The following TOMM40 variants were observed in gnomAD, a reference collection of about 807,000 sequenced individuals.
The protein encoded by TOMM40 is translocase of outer mitochondrial membrane 40, also known as mitochondrial import receptor subunit TOM40 homolog.
TOMM40 carries 9 observed loss-of-function variants against 38.4 expected under a neutral mutation model. That is an observed-to-expected ratio of 0.23 (90% CI 0.14 to 0.41). The LOEUF (loss-of-function observed/expected upper bound fraction) is 0.41, where lower values mean the gene tolerates loss of function less well. Ranked by LOEUF, TOMM40 falls within the 10% of genes least tolerant of loss-of-function variation. The pLI is 1.00. For synonymous variants in TOMM40, 184 were observed against 210.0 expected (o/e 0.88, Z 1.07); for missense variants, 299 against 486.5 (o/e 0.61, Z 3.63).
Position 44,903,262 on chromosome 19 carries a change from T to A in TOMM40, c.*93T>A. On this transcript the variant is annotated 3_prime_UTR_variant, in exon 9 of 9. Coordinates refer to ENST00000426677, the MANE Select transcript of TOMM40 (RefSeq NM_001128917.2). ...AGGGGAGACCTGAGCCCCCCTCCCT[T>A]CCCTCCCCCCTTGGGGGTCGGGGGG... 7.8e-7 allele frequency: 1 copy of A among 1,285,736 alleles called. No individual in the cohort carries two copies. The highest frequency in any genetic ancestry group is 1.5e-5 in the South Asian group (1 of 65,656). 79.6% of individuals were successfully genotyped at this position (1,285,736 alleles called of 1,614,324 possible).
chr19:44,899,254 C>T (rs1395281327), intron 5 of TOMM40, among the ~76,000 whole-genome samples: 5 of 152,056 alleles, frequency 3.3e-5, no homozygotes, highest in Non-Finnish European at 5.9e-5. Flanking sequence ...TCAAGTGATC[C>T]TCCTGCCTCA....
chr19:44,894,595 T>C (rs1428504081), intron 5 of TOMM40, among the ~76,000 whole-genome samples: 3 of 152,110 alleles, frequency 2.0e-5, no homozygotes, highest in African/African-American at 7.2e-5. Flanking sequence ...TTTTCTTTTG[T>C]ATTAAAAAAT....
intron 2 of TOMM40, 25 bp from the exon 3 acceptor site, chr19:44,892,812 G>A (rs748026597): frequency 1.3e-5 from 20 of 1,586,558 alleles, no homozygotes; most frequent in Admixed American, 1.7e-5. Flanking sequence ...GTCCAGTATC[G>A]TCACAGCTCT....
intron 5 of TOMM40, among the ~76,000 whole-genome samples, chr19:44,897,871 C>T (rs897429515): frequency 7.2e-5 from 11 of 151,868 alleles, no homozygotes; most frequent in African/African-American, 2.7e-4. Flanking sequence ...AACCCTCCTG[C>T]CTCAGCCTCC....
intron 5 of TOMM40, among the ~76,000 whole-genome samples, chr19:44,895,180 TGGACCCCTGG>T (rs1969542390): frequency 6.6e-6 from 1 of 152,038 alleles, no homozygotes; most frequent in African/African-American, 2.4e-5. Context: ...GGGTTGGCCT[TGGACCCCTGG>T]GAGTGCCTAG....
chr19:44,893,333 AATCTCTGGGGC>A (rs1271638463), intron 3 of TOMM40, among the ~76,000 whole-genome samples: 2 of 152,142 alleles, frequency 1.3e-5, no homozygotes, highest in African/African-American at 2.4e-5. Flanking sequence ...CCGCTGTAGA[AATCTCTGGGGC>A]ATCTCTGGGG....
In TOMM40 at chr19:44,892,394, G is replaced by C. The variant is rs146640981; in HGVS notation, c.276G>C (p.Glu92Asp). ...TFEECHRKCK[E>D]LFPIQMEGVK... ...TGTGACAGCGTTTCTCTTCTCCAGA[G>C]CTGTTTCCCATTCAGATGGAGGGTG... Residue 92 changes from glutamate (E) to aspartate (D), a missense_variant and splice_region_variant, in exon 2 of 9, where the codon GAG becomes GAC. By Grantham distance (45) the Glu-to-Asp change is conservative. Coordinates refer to ENST00000426677, the MANE Select transcript of TOMM40 (RefSeq NM_001128917.2). 1.5e-4 allele frequency: 250 copies of C among 1,613,878 alleles called. No individual in the cohort carries two copies. In the African/African-American group the frequency reaches 3.0e-3, roughly 20 times the overall value.
At chr19:44,896,252 G>A (rs1008479342) in intron 5 of TOMM40, among the ~76,000 whole-genome samples, 4 of 152,286 alleles carry the variant, frequency 2.6e-5, no homozygotes, top group African/African-American at 7.2e-5. Flanking sequence ...GCCGTGTGCC[G>A]GTCAGGGCTG....
intron 2 of TOMM40, 90 bp from the exon 3 acceptor site, chr19:44,892,747 C>T (rs1969491419): frequency 8.9e-7 from 1 of 1,121,454 alleles, no homozygotes; most frequent in South Asian, 1.3e-5. Context: ...CAGTCTTCAT[C>T]CCCTGCCCAG....
At chr19:44,901,464 CG>C in intron 8 of TOMM40, 154 bp downstream of exon 8, 1 of 1,468,834 alleles carries the variant, frequency 6.8e-7, no homozygotes, top group Non-Finnish European at 9.0e-7. Context: ...TAGGTGGGGC[CG>C]GGTGCGGTGG....
intron 5 of TOMM40, among the ~76,000 whole-genome samples, chr19:44,895,726 T>C (rs1020577319): frequency 3.3e-5 from 5 of 152,056 alleles, no homozygotes; most frequent in Non-Finnish European, 2.9e-5. Context: ...TTTGTATTTT[T>C]AGTAGAGACA....
Position 44,894,089 on chromosome 19 carries a change from G to A in TOMM40, c.643+23G>A, listed in dbSNP as rs762057859. 4.1e-6 allele frequency: 6 copies of A among 1,478,396 alleles called. No individual in the cohort carries two copies. In the Admixed American group the frequency reaches 1.2e-4, roughly 30 times the overall value. 91.6% of individuals were successfully genotyped at this position (1,478,396 alleles called of 1,614,324 possible). A position where few individuals can be genotyped will look rare whatever the true frequency, so the allele number is the denominator to read the frequency against. ...CAGGTAAGAGGCGGAGGGCTTGGAG[G>A]GTGGTCACAAAACTGCAGTTCTGGC... On this transcript the variant is annotated intron_variant, in intron 5 of 8. Transcript: ENST00000426677.
Position 44,903,066 on chromosome 19 carries a change from T to A in TOMM40, c.983T>A (p.Leu328Gln). ...AGCAACTGGATCGTGGGTGCCACGC[T>A]GGAGAAGAAGCTCCCACCCCTGCCC... Reference protein sequence around the residue: ...VDSNWIVGATLEKKLPPLPLT... With the variant: ...VDSNWIVGATQEKKLPPLPLT... Residue 328 changes from leucine (L) to glutamine (Q), a missense_variant, in exon 9 of 9, where the codon CTG becomes CAG. Leu to Gln is a moderately radical substitution (Grantham distance 113). Transcript: ENST00000426677. 1.2e-6 allele frequency: 2 copies of A among 1,613,106 alleles called. No individual in the cohort carries two copies. Among genetic ancestry groups the A allele is most frequent in the Non-Finnish European group, 1.7e-6 (2 of 1,180,008 alleles).
chr19:44,892,208 A>G (rs776738412), intron 1 of TOMM40, among the ~76,000 whole-genome samples, 185 bp from the exon 2 acceptor site: 7 of 152,190 alleles, frequency 4.6e-5, no homozygotes, highest in Non-Finnish European at 1.0e-4. Context: ...GCTTGGTGGC[A>G]GTGAGATTTG....
At chr19:44,900,633 C>T (rs1969660701) in intron 5 of TOMM40, 97 bp from the exon 6 acceptor site, 1 of 1,602,034 alleles carries the variant, frequency 6.2e-7, no homozygotes, top group Non-Finnish European at 8.5e-7. Context: ...AGAGCAAGCC[C>T]AAGCCTCCAG....
At chr19:44,902,785 T>C (rs866082258) in intron 8 of TOMM40, 7 of 443,324 alleles carry the variant, frequency 1.6e-5, no homozygotes, top group Admixed American at 1.3e-4. Context: ...CAGGACTAGG[T>C]TGGGGGAACC....
At chr19:44,893,284 G>A (rs1969502989) in intron 3 of TOMM40, among the ~76,000 whole-genome samples, 1 of 152,146 alleles carries the variant, frequency 6.6e-6, no homozygotes, top group South Asian at 2.1e-4. Context: ...GAGAGTCATG[G>A]CATGGTTTGG....
chr19:44,899,118 G>A (rs1311754020), intron 5 of TOMM40, among the ~76,000 whole-genome samples: 20 of 145,690 alleles, frequency 1.4e-4, no homozygotes, highest in Admixed American at 2.7e-4. Flanking sequence ...GGGCGACAGA[G>A]CGAGACTCCA....
chr19:44,900,600 A>T (rs1454659366), intron 5 of TOMM40, 130 bp from the exon 6 acceptor site: 2 of 1,556,750 alleles, frequency 1.3e-6, no homozygotes, highest in Non-Finnish European at 1.7e-6. Context: ...GGTTAGGAGA[A>T]AGGAGCCCTT....
Sources: allele counts gnomAD v4.1 joint callset (sites outside exome capture counted in the v4.1 genomes callset), GRCh38; gene constraint gnomAD v4.1.1; transcripts MANE v1.5; gene names NCBI Gene and HGNC (gene_info 2026-07-23, HGNC 2026-07-21).